Variants in ANO10 observed in about 807,000 individuals in gnomAD.
ANO10 encodes anoctamin 10.
ANO10 carries 77 observed loss-of-function variants against 74.7 expected under a neutral mutation model. The observed-to-expected ratio is 1.03, with a 90% CI of 0.86 to 1.25. The LOEUF is 1.25. Ranked by LOEUF, ANO10 falls within the 50% of genes most tolerant of loss-of-function variation. The pLI, the probability that ANO10 is intolerant of heterozygous loss-of-function variation, is 0.00. For synonymous variants in ANO10, 279 were observed against 284.9 expected, an observed-to-expected ratio of 0.98 and a Z score of 0.21; for missense variants, 721 against 778.1, an observed-to-expected ratio of 0.93 and a Z score of 0.87.
intron 12 of ANO10, among the ~76,000 whole-genome samples, chr3:43,422,682 C>G (rs1293087180): frequency 1.3e-5 from 2 of 152,114 alleles, no homozygotes; most frequent in African/African-American, 4.8e-5. Context: ...CATTTCACAG[C>G]CTATTCAGTA....
chr3:43,489,130 T>G (rs1049241636), intron 11 of ANO10, among the ~76,000 whole-genome samples: 4 of 133,890 alleles, frequency 3.0e-5, no homozygotes, highest in Admixed American at 2.7e-4. Flanking sequence ...TGAGATCACC[T>G]GGACACAGGA....
At chr3:43,578,238 A>C (rs2081102838) in intron 5 of ANO10, among the ~76,000 whole-genome samples, 1 of 152,134 alleles carries the variant, frequency 6.6e-6, no homozygotes, top group South Asian at 2.1e-4. Flanking sequence ...CTCAAATTTA[A>C]ATCAGGTTAA....
chr3:43,528,234 C>T (rs1448704128), intron 11 of ANO10, among the ~76,000 whole-genome samples: 2 of 147,530 alleles, frequency 1.4e-5, no homozygotes, highest in East Asian at 3.9e-4. Context: ...AACATCTGTA[C>T]AAGGTTACTA....
intron 1 of ANO10, among the ~76,000 whole-genome samples, chr3:43,642,806 T>C (rs1318989019): frequency 6.6e-5 from 10 of 152,040 alleles, no homozygotes; most frequent in Non-Finnish European, 1.5e-5. Flanking sequence ...ACTTTTTAAA[T>C]CTAAAAATAT....
chr3:43,487,778 G>A (rs909175119), intron 11 of ANO10, among the ~76,000 whole-genome samples: 7 of 151,580 alleles, frequency 4.6e-5, no homozygotes, highest in Middle Eastern at 3.4e-3. Flanking sequence ...TTAATTTTTC[G>A]AAGGGTTTTT....
At chr3:43,680,038 T>C (rs1425555197) in intron 1 of ANO10, among the ~76,000 whole-genome samples, 1 of 152,068 alleles carries the variant, frequency 6.6e-6, no homozygotes, top group Non-Finnish European at 1.5e-5. Context: ...CCTCTCCTCC[T>C]CCAAAGGAAC....
chr3:43,576,864 C>T lies in ANO10; in HGVS notation c.990G>A (p.Leu330=), dbSNP rs775651909. ...TGTCGAAGTAAATCATCATGACATA[C>T]AGTGAGAAATAGAGGCAGAGGCACA... ...PFVCLCLYFS[L]YVMMIYFDME... is the part of the protein sequence containing the mutation. The change falls in exon 6 of 13, where the codon CTG becomes CTA. Residue 330 remains leucine (L), a synonymous_variant. Coordinates refer to ENST00000292246, the MANE Select transcript of ANO10 (RefSeq NM_018075.5). 6.2e-6 allele frequency: 10 copies of T among 1,614,158 alleles called. No individual in the cohort carries two copies. In the Admixed American group the frequency reaches 1.5e-4, roughly 24 times the overall value.
intron 12 of ANO10, among the ~76,000 whole-genome samples, chr3:43,380,636 A>G (rs2091934293): frequency 6.6e-6 from 1 of 152,212 alleles, no homozygotes; most frequent in Non-Finnish European, 1.5e-5. Flanking sequence ...CAGACAAACA[A>G]ATGCTGAGAG....
At chr3:43,627,592 C>T (rs2149557201) in intron 1 of ANO10, among the ~76,000 whole-genome samples, 1 of 152,344 alleles carries the variant, frequency 6.6e-6, no homozygotes, top group East Asian at 1.9e-4. Flanking sequence ...TGTCCAAAGC[C>T]ACAGGAGGAT....
At chr3:43,453,692 C>T (rs1057070755) in intron 11 of ANO10, among the ~76,000 whole-genome samples, 3 of 152,182 alleles carry the variant, frequency 2.0e-5, no homozygotes, top group African/African-American at 7.2e-5. Context: ...ATCCAGTTGT[C>T]CCAGCACCAT....
chr3:43,644,080 ATTTT>A (rs1420562223), intron 1 of ANO10, among the ~76,000 whole-genome samples: 2 of 151,382 alleles, frequency 1.3e-5, no homozygotes, highest in Non-Finnish European at 2.9e-5. Context: ...TCTTTCCCTG[ATTTT>A]TTTGTTTGTT....
intron 1 of ANO10, among the ~76,000 whole-genome samples, chr3:43,670,974 T>A (rs532354192): frequency 6.6e-6 from 1 of 152,314 alleles, no homozygotes; most frequent in African/African-American, 2.4e-5. Flanking sequence ...GAGCATATGA[T>A]ATACTCAAGC....
At chr3:43,647,314 G>A (rs2083738088) in intron 1 of ANO10, among the ~76,000 whole-genome samples, 1 of 152,126 alleles carries the variant, frequency 6.6e-6, no homozygotes, top group Non-Finnish European at 1.5e-5. Flanking sequence ...AGGAAAGCCA[G>A]TGGTGTGTGT....
At chr3:43,673,070 A>G (rs1559395710) in intron 1 of ANO10, among the ~76,000 whole-genome samples, 1 of 152,204 alleles carries the variant, frequency 6.6e-6, no homozygotes, top group African/African-American at 2.4e-5. Flanking sequence ...ACACCATCAT[A>G]AAGTTTTTCC....
chr3:43,598,897 CTTATA>C (rs1264634623), intron 3 of ANO10, among the ~76,000 whole-genome samples: 2 of 152,102 alleles, frequency 1.3e-5, no homozygotes, highest in Non-Finnish European at 2.9e-5. Flanking sequence ...CATTTTAATA[CTTATA>C]TTAGAAACAT....
chr3:43,636,757 G>C (rs2083614946), intron 1 of ANO10, among the ~76,000 whole-genome samples: 1 of 152,220 alleles, frequency 6.6e-6, no homozygotes, highest in South Asian at 2.1e-4. Flanking sequence ...TGTGGATGTT[G>C]AAAGTATCTA....
At chr3:43,412,830 C>T (rs942289058) in intron 12 of ANO10, among the ~76,000 whole-genome samples, 2 of 152,158 alleles carry the variant, frequency 1.3e-5, no homozygotes, top group Admixed American at 1.3e-4. Context: ...GCAGGAGGAT[C>T]ACTTGAGGTC....
chr3:43,516,514 A>T (rs551307129), intron 11 of ANO10, among the ~76,000 whole-genome samples: 2 of 152,338 alleles, frequency 1.3e-5, no homozygotes, highest in Admixed American at 1.3e-4. Flanking sequence ...AGGAGGCTGG[A>T]CTTTATTTTG....
At chr3:43,447,629 T>C (rs1345747325) in intron 11 of ANO10, among the ~76,000 whole-genome samples, 1 of 152,240 alleles carries the variant, frequency 6.6e-6, no homozygotes, top group African/African-American at 2.4e-5. Flanking sequence ...TAACTCATTT[T>C]TTGGCTTAAA....
Sources: gnomAD v4.1 joint callset for allele counts (sites outside exome capture counted in the v4.1 genomes callset) on GRCh38, gnomAD v4.1.1 for gene constraint, MANE v1.5 for transcripts, NCBI Gene and HGNC (gene_info 2026-07-23, HGNC 2026-07-21) for gene names.